Variants in DOK6 observed in about 807,000 individuals in gnomAD.
DOK6 encodes downstream of tyrosine kinase 6.
A neutral mutation model predicts 44.0 loss-of-function variants in DOK6; 22 were observed. The observed-to-expected ratio is 0.50, with a 90% CI of 0.36 to 0.71. The LOEUF is 0.71. DOK6 is among the 30% of genes least tolerant of loss of function. The pLI, the probability that DOK6 is intolerant of heterozygous loss-of-function variation, is 0.00. For missense variants in DOK6, 340 were observed against 416.4 expected (o/e 0.82, Z 1.60); for synonymous variants, 166 against 145.5 (o/e 1.14, Z -1.01).
In DOK6 at chr18:69,730,755, G is replaced by C. The variant is rs138851745; in HGVS notation, c.600-8210G>C. Among the ~76,000 whole-genome samples, 31 of 152,206 alleles carry C rather than the reference G, an allele frequency of 2.0e-4. No individual in the cohort carries two copies. The East Asian group carries it at 5.2e-3, about 26-fold the overall frequency. On this transcript the variant is annotated intron_variant, in intron 5 of 7. Transcript: ENST00000382713. ...GAAATTCTTTAATGTTTAAAACTTAGATTCATTTTGTTCATGATTTCAGTA... is the reference window on the plus strand; with the variant it reads ...GAAATTCTTTAATGTTTAAAACTTACATTCATTTTGTTCATGATTTCAGTA...
At chr18:69,534,573 G>A (rs545461229) in intron 1 of DOK6, among the ~76,000 whole-genome samples, 6 of 151,446 alleles carry the variant, frequency 4.0e-5, no homozygotes, top group Admixed American at 1.3e-4. Flanking sequence ...TGAGTTTGGA[G>A]TAAAACTTGT....
At chr18:69,759,522 G>A (rs1555669006) in intron 7 of DOK6, among the ~76,000 whole-genome samples, 1 of 151,910 alleles carries the variant, frequency 6.6e-6, no homozygotes, top group Non-Finnish European at 1.5e-5. Context: ...TTTTGTCAAG[G>A]GTTTGGCCTA....
At chr18:69,442,299 A>T (rs1226016400) in intron 1 of DOK6, among the ~76,000 whole-genome samples, 1 of 152,182 alleles carries the variant, frequency 6.6e-6, no homozygotes, top group Non-Finnish European at 1.5e-5. Flanking sequence ...CTATAAGGAC[A>T]TACCCAAGAC....
chr18:69,454,916 G>T (rs1979580149), intron 1 of DOK6, among the ~76,000 whole-genome samples: 2 of 122,520 alleles, frequency 1.6e-5, no homozygotes, highest in African/African-American at 3.0e-5. Flanking sequence ...TGGTGGGGTG[G>T]GGGGAGGGGG....
At chr18:69,463,735 G>A (rs1054209426) in intron 1 of DOK6, among the ~76,000 whole-genome samples, 8 of 151,776 alleles carry the variant, frequency 5.3e-5, no homozygotes, top group African/African-American at 1.9e-4. Flanking sequence ...ATATGCATAT[G>A]TATGTAAATG....
At chr18:69,771,109 A>G (rs1296154712) in intron 7 of DOK6, among the ~76,000 whole-genome samples, 3 of 152,096 alleles carry the variant, frequency 2.0e-5, no homozygotes, top group African/African-American at 7.2e-5. Flanking sequence ...TTAATAGTCA[A>G]ATTTATAAAT....
intron 7 of DOK6, among the ~76,000 whole-genome samples, chr18:69,800,399 T>A (rs1980869945): frequency 6.6e-6 from 1 of 152,180 alleles, no homozygotes; most frequent in Admixed American, 6.6e-5. Flanking sequence ...TCACTTATGC[T>A]AGAGAAATTA....
chr18:69,637,493 G>A (rs17777278), intron 3 of DOK6, among the ~76,000 whole-genome samples: 10,909 of 151,976 alleles, frequency 0.072, 450 homozygotes, highest in Admixed American at 0.1. Context: ...TCCTTCCCCC[G>A]CAAATGTTTC....
intron 3 of DOK6, among the ~76,000 whole-genome samples, chr18:69,617,590 C>G (rs60399724): frequency 0.026 from 3,624 of 138,684 alleles, 83 homozygotes; most frequent in East Asian, 0.12. Context: ...GAGAGAGAGA[C>G]AGAAAAGACT....
chr18:69,679,745 GAT>G (rs1402451570), intron 4 of DOK6, among the ~76,000 whole-genome samples: 1 of 152,168 alleles, frequency 6.6e-6, no homozygotes, highest in Non-Finnish European at 1.5e-5. Flanking sequence ...AAGATTTGGA[GAT>G]ATATATGGTT....
rs544275207 is a variant in DOK6, at chr18:69,562,832, G to A, written c.67-1655G>A. Among the ~76,000 whole-genome samples, 34 of 152,248 alleles carry A rather than the reference G, an allele frequency of 2.2e-4. No individual in the cohort carries two copies. The Middle Eastern group carries it at 0.01, about 46-fold the overall frequency. On this transcript the variant is annotated intron_variant, in intron 1 of 7. Coordinates refer to ENST00000382713, the MANE Select transcript of DOK6 (RefSeq NM_152721.6). ...AATTAAACTAAAGAGCTTCTGCACA[G>A]CAAAAGAAACTACCATCAGAGTGAA...
intron 3 of DOK6, among the ~76,000 whole-genome samples, chr18:69,635,025 T>C (rs1258497477): frequency 6.6e-6 from 1 of 152,220 alleles, no homozygotes; most frequent in African/African-American, 2.4e-5. Context: ...CTGTTTCTTA[T>C]GCTATTTACT....
At chr18:69,712,717 T>G (rs1986795337) in intron 5 of DOK6, among the ~76,000 whole-genome samples, 1 of 151,954 alleles carries the variant, frequency 6.6e-6, no homozygotes, top group East Asian at 2.0e-4. Context: ...AGTGGGGGTG[T>G]GCACCTGTAG....
chr18:69,698,115 C>T (rs1463522174), intron 4 of DOK6, among the ~76,000 whole-genome samples: 1 of 152,146 alleles, frequency 6.6e-6, no homozygotes, highest in Non-Finnish European at 1.5e-5. Flanking sequence ...TTAACTTTTG[C>T]CCTTATTTTT....
chr18:69,845,050 T>A lies in DOK6; in HGVS notation c.*3667T>A, dbSNP rs539912755. 3 of 152,326 alleles carry A rather than the reference T, an allele frequency of 2.0e-5. No homozygotes were observed. The highest frequency in any genetic ancestry group is 1.3e-4 in the Admixed American group (2 of 15,296). The allele number at this position is 152,326 out of a possible 1,614,324, so 9.4% of individuals were successfully genotyped here. On this transcript the variant is annotated 3_prime_UTR_variant, in exon 8 of 8. Transcript: ENST00000382713. ...AGATATTAAAAACACATGATAAAAATTGATGTGTGCCCCTCCTTGTTTGGC... is the reference window on the plus strand; with the variant it reads ...AGATATTAAAAACACATGATAAAAAATGATGTGTGCCCCTCCTTGTTTGGC...
intron 2 of DOK6, among the ~76,000 whole-genome samples, chr18:69,567,694 T>C (rs1983017149): frequency 6.6e-6 from 1 of 152,166 alleles, no homozygotes; most frequent in Admixed American, 6.5e-5. Context: ...GACAGTATAA[T>C]TCTCCCACAG....
intron 7 of DOK6, among the ~76,000 whole-genome samples, chr18:69,777,277 C>A (rs1243157213): frequency 6.6e-6 from 1 of 151,674 alleles, no homozygotes; most frequent in Non-Finnish European, 1.5e-5. Context: ...AGAAAAATGT[C>A]TTACTGTATT....
chr18:69,768,317 T>C (rs1321997128), intron 7 of DOK6, among the ~76,000 whole-genome samples: 1 of 152,044 alleles, frequency 6.6e-6, no homozygotes, highest in Admixed American at 6.6e-5. Context: ...TATATGTATA[T>C]ACACACACAA....
chr18:69,567,520 T>G (rs550719603), intron 2 of DOK6, among the ~76,000 whole-genome samples: 4 of 151,846 alleles, frequency 2.6e-5, no homozygotes, highest in Admixed American at 1.3e-4. Flanking sequence ...ATCAAGGACC[T>G]GAAAGAGATC....
Sources: gnomAD v4.1 joint callset for allele counts (sites outside exome capture counted in the v4.1 genomes callset) on GRCh38, gnomAD v4.1.1 for gene constraint, MANE v1.5 for transcripts, NCBI Gene and HGNC (gene_info 2026-07-23, HGNC 2026-07-21) for gene names.